Variants in TBC1D1 observed in about 807,000 individuals in gnomAD.
TBC1D1 encodes the protein TBC1 domain family member 1.
Under a neutral mutation model 125.6 loss-of-function variants are expected in TBC1D1, and 89 were observed. The ratio of observed to expected loss-of-function variants is 0.71; its 90% CI spans 0.60 to 0.85. The LOEUF is 0.85. Among genes scored for constraint, TBC1D1 ranks in the 40% least tolerant of loss-of-function variants. The pLI, the probability that TBC1D1 is intolerant of heterozygous loss-of-function variation, is 0.00. For synonymous variants in TBC1D1, 565 were observed against 564.1 expected, an observed-to-expected ratio of 1.00 and a Z score of -0.02; for missense variants, 1,377 against 1,469.2, an observed-to-expected ratio of 0.94 and a Z score of 1.03.
chr4:37,897,812 T>A (rs532955844), intron 1 of TBC1D1, among the ~76,000 whole-genome samples: 4 of 152,206 alleles, frequency 2.6e-5, no homozygotes, highest in African/African-American at 7.2e-5. Context: ...GTTACAGGAG[T>A]AGAAGTCGAT....
intron 10 of TBC1D1, among the ~76,000 whole-genome samples, chr4:38,046,407 AT>A (rs1749486177): frequency 6.6e-6 from 1 of 152,088 alleles, no homozygotes; most frequent in African/African-American, 2.4e-5. Context: ...TATTAAAAAA[AT>A]AATTAATATT....
intron 15 of TBC1D1, among the ~76,000 whole-genome samples, chr4:38,106,717 C>T (rs757856984): frequency 6.6e-6 from 1 of 152,270 alleles, no homozygotes; most frequent in South Asian, 2.1e-4. Flanking sequence ...TCCACGGACA[C>T]GATCAGCCCC....
intron 7 of TBC1D1, among the ~76,000 whole-genome samples, chr4:38,035,237 A>G (rs753612932): frequency 1.3e-4 from 20 of 152,156 alleles, no homozygotes; most frequent in Non-Finnish European, 2.9e-4. Context: ...GAGTTTGTCA[A>G]TGTTTGGTCA....
At chr4:38,101,395 A>G (rs2114014) in intron 14 of TBC1D1, among the ~76,000 whole-genome samples, 53,651 of 152,078 alleles carry the variant, frequency 0.35, 9,812 homozygotes, top group Admixed American at 0.44. Context: ...TTGGCCTTGT[A>G]ATAGCTGAGT....
chr4:38,104,159 C>CAAAAAAAAA (rs71658758), intron 15 of TBC1D1, among the ~76,000 whole-genome samples: 1 of 83,960 alleles, frequency 1.2e-5, no homozygotes. Flanking sequence ...GACTCTGTCT[C>CAAAAAAAAA]AAAAAAAAAA....
chr4:37,960,851 C>T (rs774364689), intron 2 of TBC1D1: 2 of 1,614,062 alleles, frequency 1.2e-6, no homozygotes, highest in African/African-American at 2.7e-5. Flanking sequence ...TTGCACACCT[C>T]CCCTTGAGTG....
rs976432895 is a variant in TBC1D1 at position 38,053,130 on chromosome 4, G to GA, written c.1911-1063dup. The stretch of plus-strand genomic sequence containing the variant: ...GCATCTCCTACCGTAATGCCCTGCG[G>GA]AAAAAACTTCATTCTTCTTCCTCTG... On this transcript the variant is annotated intron_variant, in intron 11 of 19. Coordinates refer to ENST00000261439, the MANE Select transcript of TBC1D1 (RefSeq NM_015173.4). 62 of 1,527,034 alleles carry GA rather than the reference G, an allele frequency of 4.1e-5. No homozygotes were observed. The Middle Eastern group carries it at 5.1e-4, about 13-fold the overall frequency. The allele number at this position is 1,527,034 out of a possible 1,614,324, so 94.6% of individuals were successfully genotyped here.
At chr4:37,921,109 CAAAAAA>C (rs1188232681) in intron 2 of TBC1D1, among the ~76,000 whole-genome samples, 4,706 of 71,800 alleles carry the variant, frequency 0.066, 231 homozygotes, top group African/African-American at 0.26. Flanking sequence ...GACTCCGTCT[CAAAAAA>C]AAAAAAAAAA....
intron 2 of TBC1D1, among the ~76,000 whole-genome samples, chr4:37,931,465 G>A (rs971069298): frequency 1.7e-4 from 26 of 151,818 alleles, no homozygotes; most frequent in African/African-American, 4.4e-4. Context: ...TATCCCCACC[G>A]TTCCCTGACC....
At chr4:38,018,265 T>C in intron 3 of TBC1D1, 89 bp from the exon 4 acceptor site, 1 of 975,780 alleles carries the variant, frequency 1.0e-6, no homozygotes, top group Non-Finnish European at 1.6e-6. Context: ...GTCAGAATTT[T>C]ATAGGAGCTT....
chr4:38,093,756 C>A (rs1427083520), intron 13 of TBC1D1, among the ~76,000 whole-genome samples: 1 of 152,118 alleles, frequency 6.6e-6, no homozygotes, highest in Non-Finnish European at 1.5e-5. Flanking sequence ...TGGTCTCGAA[C>A]TCCTGACCTC....
chr4:37,948,508 T>A (rs997549524), intron 2 of TBC1D1, among the ~76,000 whole-genome samples: 1 of 151,842 alleles, frequency 6.6e-6, no homozygotes, highest in African/African-American at 2.4e-5. Flanking sequence ...ATGCCTGTAA[T>A]CCCAGCTACT....
chr4:38,076,245 A>T (rs1467842120), intron 12 of TBC1D1, among the ~76,000 whole-genome samples: 1 of 152,214 alleles, frequency 6.6e-6, no homozygotes, highest in Admixed American at 6.5e-5. Flanking sequence ...AGCCCTTTAT[A>T]AAACCATCAG....
At chr4:37,927,217 A>G (rs1722310904) in intron 2 of TBC1D1, among the ~76,000 whole-genome samples, 1 of 152,192 alleles carries the variant, frequency 6.6e-6, no homozygotes, top group Non-Finnish European at 1.5e-5. Flanking sequence ...GAGATCACTT[A>G]GATCTTCCAA....
chr4:37,925,181 C>G (rs1346218048), intron 2 of TBC1D1, among the ~76,000 whole-genome samples: 1 of 152,226 alleles, frequency 6.6e-6, no homozygotes, highest in African/African-American at 2.4e-5. Context: ...CTAGTGTTCT[C>G]TCCCGTGAAT....
rs1742418557 is a variant in TBC1D1, at chr4:38,015,117, T to C, written c.882+144T>C. ...ATTTTCATGCTGAACAATTCTATTC[T>C]TAGGATAAGCTCCTTCCTTTAGCCA... On this transcript the variant is annotated intron_variant, in intron 3 of 19. Transcript: ENST00000261439. 4.3e-5 allele frequency: 32 copies of C among 742,066 alleles called. No homozygotes were observed. In the South Asian group the frequency reaches 6.8e-4, roughly 16 times the overall value. The allele number at this position is 742,066 out of a possible 1,614,324, so 46.0% of individuals were successfully genotyped here.
chr4:38,039,022 C>T (rs928699210), intron 8 of TBC1D1, among the ~76,000 whole-genome samples: 7 of 151,660 alleles, frequency 4.6e-5, no homozygotes, highest in African/African-American at 1.7e-4. Flanking sequence ...CTACCCCTTC[C>T]CCCAGGTAAC....
intron 13 of TBC1D1, among the ~76,000 whole-genome samples, chr4:38,092,852 C>T (rs906527326): frequency 5.3e-5 from 8 of 152,102 alleles, no homozygotes; most frequent in South Asian, 4.2e-4. Context: ...AGCCCTGGAC[C>T]GAATGCCATT....
At chr4:37,974,121 A>T (rs1732576767) in intron 2 of TBC1D1, among the ~76,000 whole-genome samples, 1 of 152,274 alleles carries the variant, frequency 6.6e-6, no homozygotes, top group South Asian at 2.1e-4. Flanking sequence ...CTGCAAATGC[A>T]CTCCCTTTTC....
Sources: gnomAD v4.1 joint callset for allele counts (sites outside exome capture counted in the v4.1 genomes callset) on GRCh38, gnomAD v4.1.1 for gene constraint, MANE v1.5 for transcripts, NCBI Gene and HGNC (gene_info 2026-07-23, HGNC 2026-07-21) for gene names.